PRDM6: variants seen among roughly 807,000 people sequenced by gnomAD.
PRDM6 encodes the protein putative histone-lysine N-methyltransferase PRDM6.
In PRDM6, 25 loss-of-function variants were observed where a neutral mutation model predicts 60.8. The observed-to-expected ratio is 0.41, with a 90% confidence interval of 0.30 to 0.57. The LOEUF is 0.57. Among genes scored for constraint, PRDM6 ranks in the 20% least tolerant of loss-of-function variants. The pLI, the probability that PRDM6 is intolerant of heterozygous loss-of-function variation, is 0.27. For missense variants in PRDM6, 839 were observed against 821.3 expected (o/e 1.02, Z -0.26); for synonymous variants, 407 against 357.4 (o/e 1.14, Z -1.57).
intron 3 of PRDM6, among the ~76,000 whole-genome samples, chr5:123,137,267 G>A (rs1326101944): frequency 6.6e-6 from 1 of 152,236 alleles, no homozygotes; most frequent in Admixed American, 6.5e-5. Flanking sequence ...TCTGCTGTGA[G>A]TCAGTGTGCA....
At chr5:123,118,115 G>A (rs1764498836) in intron 3 of PRDM6, among the ~76,000 whole-genome samples, 1 of 152,202 alleles carries the variant, frequency 6.6e-6, no homozygotes, top group Admixed American at 6.5e-5. Context: ...GGAGATGAAT[G>A]AAGAGCCAGT....
intron 6 of PRDM6, among the ~76,000 whole-genome samples, chr5:123,176,284 CA>C (rs59717543): frequency 4.3e-5 from 6 of 139,466 alleles, no homozygotes; most frequent in East Asian, 2.2e-4. Context: ...AAAAAAAAAA[CA>C]AAAAAAAAAC....
chr5:123,141,483 C>T (rs55981521), intron 3 of PRDM6, among the ~76,000 whole-genome samples: 36,415 of 151,938 alleles, frequency 0.24, 4,711 homozygotes, highest in Middle Eastern at 0.31. Flanking sequence ...AATTGTATGT[C>T]AGGCACTATT....
At chr5:123,159,801 G>C (rs1174497514) in intron 5 of PRDM6, among the ~76,000 whole-genome samples, 163 bp downstream of exon 5, 1 of 152,130 alleles carries the variant, frequency 6.6e-6, no homozygotes, top group Non-Finnish European at 1.5e-5. Context: ...CATGTCATCT[G>C]CTTTCTCTAG....
At chr5:123,182,489 AG>A (rs772494376) in intron 7 of PRDM6, among the ~76,000 whole-genome samples, 1 of 152,344 alleles carries the variant, frequency 6.6e-6, no homozygotes, top group East Asian at 1.9e-4. Context: ...AAGCGGTTTC[AG>A]GGTCAAAATG....
chr5:123,177,982 A>C (rs1361135510), intron 6 of PRDM6, among the ~76,000 whole-genome samples: 1 of 152,156 alleles, frequency 6.6e-6, no homozygotes, highest in African/African-American at 2.4e-5. Flanking sequence ...TCCCTAGCAT[A>C]TGCCTCTCAA....
chr5:123,163,663 C>T lies in PRDM6; in HGVS notation c.1153+4025C>T, dbSNP rs570673025. ...AACGCCTGTGTCGACAGATCACATC[C>T]GCAAGAAGGAATGAGGTTCCCCAAA... On this transcript the variant is annotated intron_variant, in intron 5 of 7. Transcript: ENST00000407847. Among the ~76,000 whole-genome samples, 225 of 152,262 alleles carry T rather than the reference C, an allele frequency of 1.5e-3. 1 individual carries two copies. Among genetic ancestry groups the T allele is most frequent in the Middle Eastern group, 3.4e-3 (1 of 294 alleles).
At chr5:123,115,185 C>T (rs1034599501) in intron 3 of PRDM6, among the ~76,000 whole-genome samples, 2 of 152,076 alleles carry the variant, frequency 1.3e-5, no homozygotes, top group African/African-American at 4.8e-5. Context: ...CATTCCCCTC[C>T]CCTGACAATA....
intron 2 of PRDM6, among the ~76,000 whole-genome samples, chr5:123,095,582 G>A (rs2150205991): frequency 6.6e-6 from 1 of 152,380 alleles, no homozygotes; most frequent in South Asian, 2.1e-4. Flanking sequence ...ATCGATGGGC[G>A]CCGGCCCCTC....
intron 3 of PRDM6, among the ~76,000 whole-genome samples, chr5:123,125,670 T>C (rs1764678572): frequency 6.6e-6 from 1 of 152,356 alleles, no homozygotes; most frequent in South Asian, 2.1e-4. Flanking sequence ...AGTTACCTTG[T>C]ATTCAGAATG....
chr5:123,151,593 A>G (rs1159689210), intron 3 of PRDM6, among the ~76,000 whole-genome samples: 1 of 152,148 alleles, frequency 6.6e-6, no homozygotes, highest in Non-Finnish European at 1.5e-5. Context: ...TTCCTTCTGT[A>G]TAAATGGATG....
chr5:123,130,110 CCTCCT>C (rs1267318377), intron 3 of PRDM6, among the ~76,000 whole-genome samples: 507 of 46,984 alleles, frequency 0.011, 29 homozygotes, highest in African/African-American at 0.048. Flanking sequence ...CCTCCCCTCC[CCTCCT>C]CTCCCCTTCC....
intron 3 of PRDM6, among the ~76,000 whole-genome samples, chr5:123,139,034 C>T (rs1765037968): frequency 6.6e-6 from 1 of 152,172 alleles, no homozygotes; most frequent in African/African-American, 2.4e-5. Context: ...AAGCGTCTGG[C>T]ATTTCCCCTG....
chr5:123,097,473 G>T (rs1763984025), intron 2 of PRDM6, among the ~76,000 whole-genome samples: 1 of 152,182 alleles, frequency 6.6e-6, no homozygotes, highest in Admixed American at 6.5e-5. Flanking sequence ...TCTTGGTGGA[G>T]TAGTAGTGCT....
At chr5:123,109,277 A>C (rs974257551) in intron 3 of PRDM6, among the ~76,000 whole-genome samples, 8 of 152,174 alleles carry the variant, frequency 5.3e-5, no homozygotes, top group Non-Finnish European at 1.2e-4. Context: ...ACATTAGTGA[A>C]ACAACTTAAT....
intron 2 of PRDM6, among the ~76,000 whole-genome samples, chr5:123,094,760 C>G (rs1027415436): frequency 1.3e-5 from 2 of 152,196 alleles, no homozygotes; most frequent in African/African-American, 4.8e-5. Flanking sequence ...TTCATCATCT[C>G]CGCATTGTAT....
chr5:123,187,027 A>C (rs2126895392), intron 7 of PRDM6, 60 bp from the exon 8 acceptor site: 2 of 1,219,486 alleles, frequency 1.6e-6, no homozygotes, highest in East Asian at 5.1e-5. Flanking sequence ...GGATGAGAGG[A>C]AGCCCATCAC....
At chr5:123,117,411 A>T (rs1344097778) in intron 3 of PRDM6, among the ~76,000 whole-genome samples, 1 of 151,262 alleles carries the variant, frequency 6.6e-6, no homozygotes, top group Non-Finnish European at 1.5e-5. Flanking sequence ...GGTTTTTGGC[A>T]TTTTTTTTTC....
chr5:123,160,506 C>T (rs1241022501), intron 5 of PRDM6, among the ~76,000 whole-genome samples: 1 of 152,144 alleles, frequency 6.6e-6, no homozygotes, highest in South Asian at 2.1e-4. Flanking sequence ...TAACAGATAT[C>T]TTTTGATAAT....
Sources: allele counts gnomAD v4.1 joint callset (sites outside exome capture counted in the v4.1 genomes callset), GRCh38; gene constraint gnomAD v4.1.1; transcripts MANE v1.5; gene names NCBI Gene and HGNC (gene_info 2026-07-23, HGNC 2026-07-21).